ZNF827: variants seen among roughly 807,000 people sequenced by gnomAD.
ZNF827 encodes the protein zinc finger protein 827.
ZNF827 carries 13 observed loss-of-function variants against 102.4 expected under a neutral mutation model. That is an observed-to-expected ratio of 0.13 (90% CI 0.08 to 0.20). ZNF827 has a LOEUF of 0.20. Among genes scored for constraint, ZNF827 ranks in the 10% least tolerant of loss-of-function variants. ZNF827 has a pLI of 1.00. For synonymous variants in ZNF827, 523 were observed against 536.2 expected (o/e 0.98, Z 0.34); for missense variants, 1,103 against 1,344.4 (o/e 0.82, Z 2.81).
chr4:145,759,157 T>A lies in ZNF827; in HGVS notation c.*2459A>T, dbSNP rs148721139. On this transcript the variant is annotated 3_prime_UTR_variant, in exon 15 of 15. Coordinates refer to ENST00000508784, the MANE Select transcript of ZNF827 (RefSeq NM_001306215.2). Reference sequence around the variant, plus strand: ...CAATAGATAAATAATATATAAACTTTTATATTCCAAACTTCCCATTATTAT... The same window carrying A: ...CAATAGATAAATAATATATAAACTTATATATTCCAAACTTCCCATTATTAT... 55 of 152,316 alleles carry A rather than the reference T, an allele frequency of 3.6e-4. No individual in the cohort carries two copies. The East Asian group carries it at 0.01, about 28-fold the overall frequency. The allele number at this position is 152,316 out of a possible 1,614,324, so 9.4% of individuals were successfully genotyped here. A position where few individuals can be genotyped will look rare whatever the true frequency, so the allele number is the denominator to read the frequency against.
At chr4:145,907,297 G>A (rs1158744049) in intron 1 of ZNF827, 3 of 443,346 alleles carry the variant, frequency 6.8e-6, no homozygotes, top group Non-Finnish European at 1.3e-5. Context: ...TAGCTATGGT[G>A]AGCTCTCCTT....
chr4:145,938,259 G>A, intron 1 of ZNF827, 106 bp downstream of exon 1: 1 of 1,397,242 alleles, frequency 7.2e-7, no homozygotes, highest in Non-Finnish European at 1.0e-6. Flanking sequence ...TTTCACCTCT[G>A]TAACCCTAAA....
intron 6 of ZNF827, among the ~76,000 whole-genome samples, chr4:145,848,710 G>A (rs554449140): frequency 3.9e-4 from 60 of 152,244 alleles, no homozygotes; most frequent in Middle Eastern, 6.8e-3. Flanking sequence ...TTAGGTACTG[G>A]GATCCTTAAC....
At chr4:145,823,582 G>A (rs562646537) in intron 7 of ZNF827, 57 bp from the exon 8 acceptor site, 1 of 1,214,902 alleles carries the variant, frequency 8.2e-7, no homozygotes, top group East Asian at 2.3e-5. Flanking sequence ...AAGACACCCA[G>A]AGCACCTGGT....
At chr4:145,891,272 C>T (rs192363943) in intron 3 of ZNF827, among the ~76,000 whole-genome samples, 7 of 152,284 alleles carry the variant, frequency 4.6e-5, no homozygotes, top group Admixed American at 2.6e-4. Context: ...TCCAGACAAA[C>T]ATTATGATTC....
chr4:145,936,222 T>A (rs1004686488), intron 1 of ZNF827, among the ~76,000 whole-genome samples: 1 of 151,100 alleles, frequency 6.6e-6, no homozygotes, highest in Non-Finnish European at 1.5e-5. Context: ...AGTCCGGCCA[T>A]GTGCACGCAC....
chr4:145,862,473 T>TA (rs904719548), intron 5 of ZNF827, among the ~76,000 whole-genome samples: 27 of 151,908 alleles, frequency 1.8e-4, no homozygotes, highest in African/African-American at 6.3e-4. Flanking sequence ...TTTCAAGGGC[T>TA]AAAAAAAGTC....
intron 5 of ZNF827, among the ~76,000 whole-genome samples, chr4:145,850,060 A>G (rs1265259986): frequency 6.7e-6 from 1 of 149,686 alleles, no homozygotes; most frequent in Non-Finnish European, 1.5e-5. Context: ...CCCAGGCTGG[A>G]GTGCAATGGT....
intron 8 of ZNF827, among the ~76,000 whole-genome samples, chr4:145,807,632 C>T (rs1741585931): frequency 6.6e-6 from 1 of 151,686 alleles, no homozygotes; most frequent in African/African-American, 2.4e-5. Context: ...CCACCACGCC[C>T]AGCTAATTTT....
At chr4:145,904,605 T>G (rs11942049) in intron 1 of ZNF827, among the ~76,000 whole-genome samples, 32,485 of 152,156 alleles carry the variant, frequency 0.21, 5,836 homozygotes, top group African/African-American at 0.47. Flanking sequence ...GGAACAGCAC[T>G]GAAGCCAGTG....
chr4:145,856,120 G>A (rs974984417), intron 5 of ZNF827, among the ~76,000 whole-genome samples: 3 of 151,706 alleles, frequency 2.0e-5, no homozygotes, highest in South Asian at 2.1e-4. Flanking sequence ...TCAGGCTCCC[G>A]AGTAGCTGGG....
rs1408850500 is a variant in ZNF827, at chr4:145,760,793, C to A, written c.*823G>T. 1 of 1,171,870 alleles carries A rather than the reference C, an allele frequency of 8.5e-7. No homozygotes were observed. The highest frequency in any genetic ancestry group is 6.1e-5 in the East Asian group (1 of 16,518). 72.6% of individuals were successfully genotyped at this position (1,171,870 alleles called of 1,614,324 possible). ...CATGGCTGCCCTCAGACAGTCTCTG[C>A]TCTTTCTCTCAGTCCGAGATAGGCC... On this transcript the variant is annotated 3_prime_UTR_variant, in exon 15 of 15. Coordinates refer to ENST00000508784, the MANE Select transcript of ZNF827 (RefSeq NM_001306215.2).
intron 7 of ZNF827, among the ~76,000 whole-genome samples, chr4:145,833,913 C>T (rs2126564293): frequency 6.6e-6 from 1 of 152,112 alleles, no homozygotes; most frequent in Non-Finnish European, 1.5e-5. Context: ...CCTTTTCCCA[C>T]TTTTCTGGAA....
chr4:145,816,156 C>T (rs1447277831), intron 8 of ZNF827, among the ~76,000 whole-genome samples: 1 of 152,240 alleles, frequency 6.6e-6, no homozygotes, highest in African/African-American at 2.4e-5. Flanking sequence ...AGGTGTGGGC[C>T]ACCACATTTG....
chr4:145,932,685 A>G (rs1753900004), intron 1 of ZNF827, among the ~76,000 whole-genome samples: 2 of 152,178 alleles, frequency 1.3e-5, no homozygotes, highest in African/African-American at 4.8e-5. Context: ...CATGTTAGCC[A>G]GGATGGTCTC....
At chr4:145,919,433 G>A (rs970955847) in intron 1 of ZNF827, among the ~76,000 whole-genome samples, 1 of 152,210 alleles carries the variant, frequency 6.6e-6, no homozygotes. Context: ...GCTCATTCCT[G>A]CATCACTCTG....
At chr4:145,770,841 A>T (rs951176647) in intron 11 of ZNF827, 1 of 152,248 alleles carries the variant, frequency 6.6e-6, no homozygotes. Context: ...ACTGGGTCAC[A>T]GGGCATTACA....
At chr4:145,829,656 G>A (rs774483455) in intron 7 of ZNF827, among the ~76,000 whole-genome samples, 5 of 152,202 alleles carry the variant, frequency 3.3e-5, no homozygotes, top group Admixed American at 6.5e-5. Flanking sequence ...AAGTCCCAGC[G>A]TGGGGTACAA....
chr4:145,771,062 TGAATTGA>T (rs2126914656), intron 11 of ZNF827: 1 of 152,366 alleles, frequency 6.6e-6, no homozygotes, highest in East Asian at 1.9e-4. Flanking sequence ...TCCTTCATTG[TGAATTGA>T]CTGCTCATGT....
Sources: allele counts gnomAD v4.1 joint callset (sites outside exome capture counted in the v4.1 genomes callset), GRCh38; gene constraint gnomAD v4.1.1; transcripts MANE v1.5; gene names NCBI Gene and HGNC (gene_info 2026-07-23, HGNC 2026-07-21).